TLK2: variants seen among roughly 807,000 people sequenced by gnomAD.
TLK2 encodes the protein tousled like kinase 2, also known as serine/threonine-protein kinase tousled-like 2.
In TLK2, 6 loss-of-function variants were observed where a neutral mutation model predicts 117.3. The ratio of observed to expected loss-of-function variants is 0.05; its 90% CI spans 0.03 to 0.10. TLK2 has a LOEUF of 0.10. Among genes scored for constraint, TLK2 ranks in the 10% least tolerant of loss-of-function variants. The probability of loss-of-function intolerance (pLI) is 1.00; values close to 1 mark genes in which losing one functional copy is unlikely to be tolerated. For missense variants in TLK2, 299 were observed against 901.2 expected, an observed-to-expected ratio of 0.33 and a Z score of 8.56; for synonymous variants, 257 against 316.7, an observed-to-expected ratio of 0.81 and a Z score of 2.00.
intron 7 of TLK2, among the ~76,000 whole-genome samples, chr17:62,548,792 G>A (rs373150574): frequency 2.7e-5 from 4 of 150,890 alleles, no homozygotes; most frequent in South Asian, 2.1e-4. Context: ...GCTGGAGTGC[G>A]GTGGCATGAT....
At chr17:62,515,938 C>CT (rs750032110) in intron 2 of TLK2, among the ~76,000 whole-genome samples, 58 of 151,866 alleles carry the variant, frequency 3.8e-4, no homozygotes, top group African/African-American at 1.3e-3. Context: ...TTTTCTTCTT[C>CT]TTTTTTTTGA....
chr17:62,530,059 G>C (rs1388479486), intron 6 of TLK2, among the ~76,000 whole-genome samples: 1 of 151,998 alleles, frequency 6.6e-6, no homozygotes, highest in Non-Finnish European at 1.5e-5. Flanking sequence ...CAAATCATGA[G>C]GTCAGGAGTT....
intron 7 of TLK2, chr17:62,550,373 G>T (rs1424068923): frequency 6.6e-6 from 1 of 152,204 alleles, no homozygotes; most frequent in African/African-American, 2.4e-5. Flanking sequence ...TCCTAATTGT[G>T]ATTGTGTATT....
At chr17:62,578,286 T>C (rs1391491366) in intron 13 of TLK2, among the ~76,000 whole-genome samples, 191 bp from the exon 14 acceptor site, 1 of 152,092 alleles carries the variant, frequency 6.6e-6, no homozygotes, top group Non-Finnish European at 1.5e-5. Context: ...ACTGAACTCC[T>C]CTGTATGGTT....
intron 7 of TLK2, among the ~76,000 whole-genome samples, chr17:62,547,876 A>G (rs906222330): frequency 6.6e-6 from 1 of 152,212 alleles, no homozygotes; most frequent in African/African-American, 2.4e-5. Context: ...CTGATGATCA[A>G]TAACCAATGG....
chr17:62,516,466 G>C, intron 2 of TLK2: 2 of 1,602,226 alleles, frequency 1.2e-6, no homozygotes, highest in South Asian at 2.2e-5. Flanking sequence ...AGGCCTGCCA[G>C]TCTCTGGACG....
Position 62,614,173 on chromosome 17 carries a change from AT to A in TLK2, c.*1610del, listed in dbSNP as rs2083975037. On this transcript the variant is annotated 3_prime_UTR_variant, in exon 22 of 22. Coordinates refer to ENST00000346027, the MANE Select transcript of TLK2 (RefSeq NM_006852.6). The stretch of plus-strand genomic sequence containing the variant: ...AGAAATAGATGTTTCAAATATGAAC[AT>A]TCTTTTGGCACCAATTTTCTTTTTT... The A allele has an allele frequency of 6.6e-6, 1 of 151,472 alleles. No individual in the cohort carries two copies. The highest frequency in any genetic ancestry group is 6.6e-5 in the Admixed American group (1 of 15,202). 9.4% of individuals were successfully genotyped at this position (151,472 alleles called of 1,614,324 possible).
intron 2 of TLK2, among the ~76,000 whole-genome samples, chr17:62,483,491 T>C (rs1043897945): frequency 2.6e-5 from 4 of 152,164 alleles, no homozygotes; most frequent in Non-Finnish European, 5.9e-5. Flanking sequence ...GAAAAAGAAA[T>C]TTACCTATTT....
At chr17:62,523,206 A>C in intron 5 of TLK2, 29 bp downstream of exon 5, 1 of 1,583,994 alleles carries the variant, frequency 6.3e-7, no homozygotes, top group Non-Finnish European at 8.5e-7. Context: ...AAAAACAAAC[A>C]AACAAAACAA....
intron 11 of TLK2, among the ~76,000 whole-genome samples, chr17:62,572,055 AG>A (rs1470324992): frequency 6.6e-6 from 1 of 151,952 alleles, no homozygotes. Context: ...CTGTAATCCC[AG>A]CTATTAGGGA....
intron 7 of TLK2, chr17:62,551,559 G>A (rs1309268323): frequency 1.3e-5 from 2 of 152,478 alleles, no homozygotes; most frequent in East Asian, 3.9e-4. Flanking sequence ...CAAAAAATTA[G>A]CCAGGCATGG....
At chr17:62,602,242 T>C (rs1206191139) in intron 19 of TLK2, 62 bp downstream of exon 19, 4 of 1,535,142 alleles carry the variant, frequency 2.6e-6, no homozygotes, top group Non-Finnish European at 2.6e-6. Context: ...TGCTGAAGTG[T>C]TGATAATGAA....
intron 10 of TLK2, among the ~76,000 whole-genome samples, chr17:62,561,272 A>G (rs1196010285): frequency 6.6e-6 from 1 of 152,242 alleles, no homozygotes; most frequent in Admixed American, 6.5e-5. Context: ...TATTGTGAAT[A>G]GTGCCACAAT....
At chr17:62,472,706 C>G (rs2070964443) in intron 1 of TLK2, among the ~76,000 whole-genome samples, 1 of 151,200 alleles carries the variant, frequency 6.6e-6, no homozygotes, top group Non-Finnish European at 1.5e-5. Context: ...CCACTGCACT[C>G]CAGCCTAGGC....
intron 7 of TLK2, among the ~76,000 whole-genome samples, chr17:62,548,942 T>A (rs1477577416): frequency 2.0e-5 from 3 of 150,710 alleles, no homozygotes; most frequent in Non-Finnish European, 3.0e-5. Flanking sequence ...GGTTTCACCA[T>A]GTTGGCCAGG....
intron 2 of TLK2, 96 bp from the exon 3 acceptor site, chr17:62,520,677 A>G: frequency 6.6e-6 from 1 of 150,998 alleles, no homozygotes; most frequent in Non-Finnish European, 1.3e-5. Context: ...AACTCTGTCT[A>G]AAAAAAAAAA....
In TLK2 at chr17:62,522,281, T is replaced by A; in HGVS notation, c.223+8T>A. The A allele has an allele frequency of 6.2e-7, 1 of 1,609,578 alleles. No homozygotes were observed. The highest frequency in any genetic ancestry group is 8.5e-7 in the Non-Finnish European group (1 of 1,178,324). On this transcript the variant is annotated splice_region_variant and intron_variant, in intron 4 of 21. Coordinates refer to ENST00000346027, the MANE Select transcript of TLK2 (RefSeq NM_006852.6). ...CATATGAAACTAGCCAAGGTAGTAA[T>A]AATTTCGTATCAACAAAAGTACTCA...
intron 2 of TLK2, among the ~76,000 whole-genome samples, chr17:62,485,038 A>G (rs2072175045): frequency 6.6e-6 from 1 of 152,174 alleles, no homozygotes; most frequent in Non-Finnish European, 1.5e-5. Context: ...CTCAAAAAAC[A>G]AAACAAAACA....
intron 11 of TLK2, among the ~76,000 whole-genome samples, chr17:62,566,248 T>G (rs557106433): frequency 6.6e-6 from 1 of 152,278 alleles, no homozygotes; most frequent in South Asian, 2.1e-4. Context: ...CTTTCTTTCC[T>G]GTGTTTTTTT....
Sources: gnomAD v4.1 joint callset for allele counts (sites outside exome capture counted in the v4.1 genomes callset) on GRCh38, gnomAD v4.1.1 for gene constraint, MANE v1.5 for transcripts, NCBI Gene and HGNC (gene_info 2026-07-23, HGNC 2026-07-21) for gene names.